The following FAM114A1 variants were observed in gnomAD, a reference collection of about 807,000 sequenced individuals.
FAM114A1 encodes family with sequence similarity 114 member A1.
A neutral mutation model predicts 64.3 loss-of-function variants in FAM114A1; 62 were observed. That is an observed-to-expected ratio of 0.96 (90% CI 0.79 to 1.19). The LOEUF (loss-of-function observed/expected upper bound fraction) is 1.19, where lower values mean the gene tolerates loss of function less well. Among genes scored for constraint, FAM114A1 ranks in the 50% most tolerant of loss-of-function variants. FAM114A1 has a pLI of 0.00. For synonymous variants in FAM114A1, 254 were observed against 251.1 expected, an observed-to-expected ratio of 1.01 and a Z score of -0.11; for missense variants, 645 against 676.3, an observed-to-expected ratio of 0.95 and a Z score of 0.51.
intron 9 of FAM114A1, 200 bp from the exon 10 acceptor site, chr4:38,929,042 G>A (rs750920161): frequency 5.5e-6 from 3 of 545,948 alleles, no homozygotes; most frequent in East Asian, 3.3e-5. Context: ...AGACTTCAGC[G>A]GCCCTGCACC....
rs1304854927 is a variant in FAM114A1, at chr4:38,944,435, A to T, written c.*878A>T. The T allele has an allele frequency of 1.1e-4, 16 of 152,164 alleles. No individual in the cohort carries two copies. Among genetic ancestry groups the T allele is most frequent in the Non-Finnish European group, 1.5e-5 (1 of 68,054 alleles). The allele number at this position is 152,164 out of a possible 1,614,324, so 9.4% of individuals were successfully genotyped here. ...TGTGTGCTCACAGTAAAGAAACGTG[A>T]TCTTATCCCAGTAGAGGTAGATATT... On this transcript the variant is annotated 3_prime_UTR_variant, in exon 15 of 15. Transcript: ENST00000358869.
intron 3 of FAM114A1, among the ~76,000 whole-genome samples, chr4:38,890,517 CCTTA>C (rs1203567366): frequency 3.9e-5 from 6 of 152,122 alleles, no homozygotes; most frequent in African/African-American, 1.2e-4. Flanking sequence ...TCCACTGCCT[CCTTA>C]CTTTCTTTCT....
chr4:38,876,166 TTTC>T (rs1366328175), intron 2 of FAM114A1, among the ~76,000 whole-genome samples: 18,839 of 115,688 alleles, frequency 0.16, 1,864 homozygotes, highest in Non-Finnish European at 0.22. Flanking sequence ...CTTATTCTTT[TTTC>T]TTTTTTTTTT....
intron 2 of FAM114A1, among the ~76,000 whole-genome samples, chr4:38,875,319 T>C (rs2109530529): frequency 6.6e-6 from 1 of 152,334 alleles, no homozygotes; most frequent in South Asian, 2.1e-4. Context: ...TGGAAAATTT[T>C]TCCATTTGTG....
intron 10 of FAM114A1, among the ~76,000 whole-genome samples, chr4:38,929,921 A>G (rs1579400039): frequency 6.6e-6 from 1 of 152,228 alleles, no homozygotes; most frequent in East Asian, 1.9e-4. Context: ...TGAATAAGTC[A>G]CTTACCTTTT....
chr4:38,904,943 G>C (rs1006635585), intron 4 of FAM114A1, among the ~76,000 whole-genome samples: 1 of 152,148 alleles, frequency 6.6e-6, no homozygotes, highest in Non-Finnish European at 1.5e-5. Flanking sequence ...CTTTACCTAC[G>C]TGTATCTCAT....
chr4:38,940,952 A>G lies in FAM114A1; in HGVS notation c.1537-16A>G, dbSNP rs761983598. The G allele has an allele frequency of 1.9e-6, 3 of 1,613,996 alleles. No homozygotes were observed. Among genetic ancestry groups the G allele is most frequent in the Non-Finnish European group, 1.7e-6 (2 of 1,179,880 alleles). On this transcript the variant is annotated splice_polypyrimidine_tract_variant and intron_variant, in intron 13 of 14. Coordinates refer to ENST00000358869, the MANE Select transcript of FAM114A1 (RefSeq NM_138389.4). ...TGAGCACCTAATCTGTCAATTTCATACTTCTGATTCCACAGAGCAACAAGA... is the reference window on the plus strand; with the variant it reads ...TGAGCACCTAATCTGTCAATTTCATGCTTCTGATTCCACAGAGCAACAAGA...
chr4:38,939,163 A>T (rs1025125138), intron 13 of FAM114A1, among the ~76,000 whole-genome samples: 1 of 152,172 alleles, frequency 6.6e-6, no homozygotes, highest in African/African-American at 2.4e-5. Context: ...TGTGCACTTG[A>T]ACTTTCATAT....
At chr4:38,896,629 A>G (rs1311748669) in intron 4 of FAM114A1, among the ~76,000 whole-genome samples, 1 of 151,364 alleles carries the variant, frequency 6.6e-6, no homozygotes, top group African/African-American at 2.4e-5. Context: ...ATTTAAAGTT[A>G]TGTGTGCCTT....
chr4:38,916,281 C>T (rs959002694), intron 8 of FAM114A1, among the ~76,000 whole-genome samples: 1 of 152,076 alleles, frequency 6.6e-6, no homozygotes, highest in African/African-American at 2.4e-5. Context: ...TAAAACTGTT[C>T]AAGAATAATT....
intron 2 of FAM114A1, among the ~76,000 whole-genome samples, chr4:38,876,474 C>G (rs1714654565): frequency 6.6e-6 from 1 of 151,940 alleles, no homozygotes; most frequent in South Asian, 2.1e-4. Flanking sequence ...CCCTGCCTTC[C>G]TATGCTTATT....
chr4:38,883,402 A>T (rs1715488993), intron 3 of FAM114A1, among the ~76,000 whole-genome samples: 1 of 152,188 alleles, frequency 6.6e-6, no homozygotes, highest in East Asian at 1.9e-4. Context: ...GGACCTTATT[A>T]TATACTAGCC....
At chr4:38,878,527 A>C (rs1451000941) in intron 3 of FAM114A1, 101 bp downstream of exon 3, 2 of 942,240 alleles carry the variant, frequency 2.1e-6, no homozygotes, top group East Asian at 2.5e-5. Flanking sequence ...TGGGAGTTCA[A>C]AATGTACTGT....
chr4:38,886,997 T>G (rs965790487), intron 3 of FAM114A1, among the ~76,000 whole-genome samples: 1 of 150,374 alleles, frequency 6.7e-6, no homozygotes, highest in Non-Finnish European at 1.5e-5. Flanking sequence ...GCCGAAAAGC[T>G]AGGAGAGAGT....
chr4:38,902,207 T>A (rs138266989), intron 4 of FAM114A1, among the ~76,000 whole-genome samples: 79 of 152,302 alleles, frequency 5.2e-4, no homozygotes, highest in South Asian at 3.9e-3. Flanking sequence ...TTTTCTCAGT[T>A]GTGAAATGAG....
chr4:38,924,387 G>A lies in FAM114A1; in HGVS notation c.1069+1494G>A, dbSNP rs78449593. Among the ~76,000 whole-genome samples, 1,430 of 152,314 alleles carry A rather than the reference G, an allele frequency of 9.4e-3. 20 individuals are homozygous for A. The highest frequency in any genetic ancestry group is 0.033 in the African/African-American group (1,360 of 41,578). ...ACCCGGCATGCAAAGTAATGAGAAT[G>A]TGCATTCTTAAATCGCTGGCAGTGT... On this transcript the variant is annotated intron_variant, in intron 9 of 14. Coordinates refer to ENST00000358869, the MANE Select transcript of FAM114A1 (RefSeq NM_138389.4).
chr4:38,914,500 A>C (rs1455450546), intron 7 of FAM114A1: 1 of 153,724 alleles, frequency 6.5e-6, no homozygotes, highest in Non-Finnish European at 1.4e-5. Context: ...CGTGGGGCGG[A>C]GGTTGCAGGG....
intron 4 of FAM114A1, among the ~76,000 whole-genome samples, chr4:38,898,436 C>T (rs7688418): frequency 2.0e-5 from 3 of 152,060 alleles, no homozygotes; most frequent in South Asian, 2.1e-4. Context: ...AATGATACTA[C>T]GATGAGAAAT....
At chr4:38,869,876 G>C (rs896957366) in intron 2 of FAM114A1, among the ~76,000 whole-genome samples, 2 of 151,984 alleles carry the variant, frequency 1.3e-5, no homozygotes, top group Admixed American at 1.3e-4. Context: ...AAGCACAAAG[G>C]CTAAACTTGA....
Sources: allele counts gnomAD v4.1 joint callset (sites outside exome capture counted in the v4.1 genomes callset), GRCh38; gene constraint gnomAD v4.1.1; transcripts MANE v1.5; gene names NCBI Gene and HGNC (gene_info 2026-07-23, HGNC 2026-07-21).